Variants in CNTNAP2 observed in about 807,000 individuals in gnomAD.
The protein encoded by CNTNAP2 is contactin associated protein 2, also known as contactin-associated protein-like 2.
Under a neutral mutation model 155.2 loss-of-function variants are expected in CNTNAP2, and 98 were observed. The ratio of observed to expected loss-of-function variants is 0.63; its 90% CI spans 0.54 to 0.75. The LOEUF (loss-of-function observed/expected upper bound fraction) is 0.75, where lower values mean the gene tolerates loss of function less well. Among genes scored for constraint, CNTNAP2 ranks in the 30% least tolerant of loss-of-function variants. The probability of loss-of-function intolerance (pLI) is 0.00; values close to 1 mark genes in which losing one functional copy is unlikely to be tolerated. For missense variants in CNTNAP2, 1,727 were observed against 1,688.1 expected (o/e 1.02, Z -0.40); for synonymous variants, 651 against 631.2 (o/e 1.03, Z -0.47).
intron 9 of CNTNAP2, among the ~76,000 whole-genome samples, chr7:147,374,183 A>G (rs983236449): frequency 6.6e-6 from 1 of 152,074 alleles, no homozygotes; most frequent in African/African-American, 2.4e-5. Flanking sequence ...ACTTAAACAT[A>G]TGTACATTAT....
intron 3 of CNTNAP2, among the ~76,000 whole-genome samples, chr7:146,930,771 G>C (rs1414245506): frequency 1.3e-5 from 2 of 152,046 alleles, no homozygotes; most frequent in Admixed American, 1.3e-4. Flanking sequence ...ACAAAAAAAG[G>C]CAGGGTTTGC....
intron 3 of CNTNAP2, among the ~76,000 whole-genome samples, chr7:146,857,027 A>G (rs908925655): frequency 6.6e-6 from 1 of 152,166 alleles, no homozygotes; most frequent in Non-Finnish European, 1.5e-5. Flanking sequence ...GGGATATGGA[A>G]GGTTTATTCG....
In CNTNAP2 at chr7:148,048,934, G is replaced by A. The variant is rs74302246; in HGVS notation, c.2384-69184G>A. On this transcript the variant is annotated intron_variant, in intron 15 of 23. Coordinates refer to ENST00000361727, the MANE Select transcript of CNTNAP2 (RefSeq NM_014141.6). The stretch of plus-strand genomic sequence containing the variant: ...ATAGCTATAAAAATGTGGCTAGGCC[G>A]GGCGTGGTGGCTCGTGCCTGTAATC... Among the ~76,000 whole-genome samples, 488 of 152,128 alleles carry A rather than the reference G, an allele frequency of 3.2e-3. 12 individuals are homozygous for A. The East Asian group carries it at 0.076, about 24-fold the overall frequency.
At chr7:147,562,473 A>C (rs1800082970) in intron 12 of CNTNAP2, among the ~76,000 whole-genome samples, 1 of 152,206 alleles carries the variant, frequency 6.6e-6, no homozygotes, top group African/African-American at 2.4e-5. Flanking sequence ...TTTGATGTGA[A>C]CAATTAAGCA....
rs182142165 is a variant in CNTNAP2, at chr7:146,437,092, A to G, written c.97+320119A>G. Among the ~76,000 whole-genome samples the G allele has an allele frequency of 2.4e-4, 37 of 151,494 alleles. No homozygotes were observed. In the East Asian group the frequency reaches 6.8e-3, roughly 28 times the overall value. ...ACTGTCTGAGCTCACCTCCCTTTAG[A>G]TAGCGTTGGCGTTAGGTTCTCATAG... On this transcript the variant is annotated intron_variant, in intron 1 of 23. Transcript: ENST00000361727.
chr7:147,182,848 T>C (rs1449521873), intron 8 of CNTNAP2, among the ~76,000 whole-genome samples: 2 of 152,196 alleles, frequency 1.3e-5, no homozygotes, highest in Non-Finnish European at 2.9e-5. Flanking sequence ...ATGTATTCAG[T>C]ACACAAAGAT....
At chr7:148,330,478 G>A (rs1585278634) in intron 21 of CNTNAP2, among the ~76,000 whole-genome samples, 1 of 151,300 alleles carries the variant, frequency 6.6e-6, no homozygotes, top group African/African-American at 2.4e-5. Flanking sequence ...TGGATGAAGT[G>A]GACGGATGGA....
intron 13 of CNTNAP2, among the ~76,000 whole-genome samples, chr7:147,654,804 A>ATTTTTT (rs1795500468): frequency 1.7e-4 from 18 of 104,002 alleles, no homozygotes; most frequent in Admixed American, 3.1e-4. Flanking sequence ...AGCAAAATAT[A>ATTTTTT]TTTCTTTTTT....
chr7:146,377,576 G>A (rs1251919316), intron 1 of CNTNAP2, among the ~76,000 whole-genome samples: 2 of 152,024 alleles, frequency 1.3e-5, no homozygotes, highest in Non-Finnish European at 2.9e-5. Flanking sequence ...TATGTCCAAG[G>A]AGTAACTCTA....
At chr7:146,905,351 G>C (rs964092131) in intron 3 of CNTNAP2, among the ~76,000 whole-genome samples, 1 of 151,930 alleles carries the variant, frequency 6.6e-6, no homozygotes, top group African/African-American at 2.4e-5. Context: ...TGTCCTCTTA[G>C]GGGCTCCGGT....
intron 15 of CNTNAP2, among the ~76,000 whole-genome samples, chr7:147,996,083 C>G (rs1801799605): frequency 1.3e-5 from 2 of 152,222 alleles, no homozygotes; most frequent in East Asian, 3.8e-4. Context: ...AGCACAAGGT[C>G]AACCCTAGAT....
At chr7:147,098,167 T>C (rs1800583300) in intron 4 of CNTNAP2, among the ~76,000 whole-genome samples, 1 of 152,244 alleles carries the variant, frequency 6.6e-6, no homozygotes, top group Middle Eastern at 3.4e-3. Flanking sequence ...CTTTCTCCTC[T>C]CCCTCACTAG....
intron 13 of CNTNAP2, among the ~76,000 whole-genome samples, chr7:147,754,969 A>G (rs1472114264): frequency 6.6e-6 from 1 of 152,240 alleles, no homozygotes; most frequent in Non-Finnish European, 1.5e-5. Flanking sequence ...GAGACAGACA[A>G]TAGAAGGTAA....
intron 3 of CNTNAP2, among the ~76,000 whole-genome samples, chr7:147,020,479 C>T (rs1447132891): frequency 6.6e-6 from 1 of 152,012 alleles, no homozygotes; most frequent in Non-Finnish European, 1.5e-5. Flanking sequence ...ACCACTGGGC[C>T]CCATATCTCC....
At chr7:147,011,462 G>A (rs1193514343) in intron 3 of CNTNAP2, among the ~76,000 whole-genome samples, 1 of 149,650 alleles carries the variant, frequency 6.7e-6, no homozygotes, top group Non-Finnish European at 1.5e-5. Flanking sequence ...GGTTGTGAGG[G>A]TAACAGAAAG....
At chr7:146,792,908 T>C (rs868396092) in intron 2 of CNTNAP2, among the ~76,000 whole-genome samples, 1 of 152,206 alleles carries the variant, frequency 6.6e-6, no homozygotes, top group African/African-American at 2.4e-5. Flanking sequence ...GAACATGTTG[T>C]AGTCTATGTC....
chr7:146,751,017 T>C (rs571585413), intron 1 of CNTNAP2, among the ~76,000 whole-genome samples: 2 of 152,270 alleles, frequency 1.3e-5, no homozygotes, highest in South Asian at 4.1e-4. Context: ...TAATTAAATG[T>C]TTACAAGTGT....
rs560246925 is a variant in CNTNAP2 at position 146,910,325 on chromosome 7, A to C, written c.402+70421A>C. On this transcript the variant is annotated intron_variant, in intron 3 of 23. Transcript: ENST00000361727. ...GCTACTTTAAAGTTCATATGGTACC[A>C]AAAAAGAGCCCGCATCGCCAAGTCA... is the stretch of plus-strand genomic sequence containing the variant. 2.2e-3 allele frequency among the ~76,000 whole-genome samples: 331 copies of C among 150,346 alleles called. 13 individuals are homozygous for C. The highest frequency in any genetic ancestry group is 8.1e-3 in the African/African-American group (324 of 39,844).
intron 1 of CNTNAP2, among the ~76,000 whole-genome samples, chr7:146,443,298 T>C (rs1584927958): frequency 6.6e-6 from 1 of 151,858 alleles, no homozygotes; most frequent in African/African-American, 2.4e-5. Flanking sequence ...AATGCTGACA[T>C]GACTAAAAAT....
Sources: gnomAD v4.1 joint callset for allele counts (sites outside exome capture counted in the v4.1 genomes callset) on GRCh38, gnomAD v4.1.1 for gene constraint, MANE v1.5 for transcripts, NCBI Gene and HGNC (gene_info 2026-07-23, HGNC 2026-07-21) for gene names.